Variants in PTPN20 observed in about 807,000 individuals in gnomAD.
The protein encoded by PTPN20 is tyrosine-protein phosphatase non-receptor type 20.
In PTPN20, 9 loss-of-function variants were observed where a neutral mutation model predicts 35.0. The observed-to-expected ratio is 0.26, with a 90% CI of 0.15 to 0.45. The LOEUF (loss-of-function observed/expected upper bound fraction) is 0.45. Ranked by LOEUF, PTPN20 falls within the 20% of genes least tolerant of loss-of-function variation. The pLI is 1.00. For synonymous variants in PTPN20, 32 were observed against 100.2 expected, an observed-to-expected ratio of 0.32 and a Z score of 4.06; for missense variants, 111 against 312.5, an observed-to-expected ratio of 0.36 and a Z score of 4.86.
At chr10:46,950,534 C>A (rs1214911764) in intron 5 of PTPN20, among the ~76,000 whole-genome samples, 27 of 151,544 alleles carry the variant, frequency 1.8e-4, no homozygotes, top group Non-Finnish European at 3.2e-4. Context: ...GCATCAGGGG[C>A]TAATGTTCTG....
chr10:46,944,578 T>TAAA (rs1555139153), intron 4 of PTPN20, among the ~76,000 whole-genome samples: 1 of 98,304 alleles, frequency 1.0e-5, no homozygotes, highest in Non-Finnish European at 1.9e-5. Context: ...CATATTTTCT[T>TAAA]AGAGATTTAT....
intron 7 of PTPN20, among the ~76,000 whole-genome samples, chr10:46,982,765 A>G (rs1226177960): frequency 6.6e-6 from 1 of 151,970 alleles, no homozygotes; most frequent in Non-Finnish European, 1.5e-5. Flanking sequence ...CATTGTGATG[A>G]ACACTTGCCA....
intron 5 of PTPN20, chr10:46,955,038 A>G (rs1171808609): frequency 6.6e-6 from 1 of 151,388 alleles, no homozygotes; most frequent in Non-Finnish European, 1.5e-5. Flanking sequence ...GATTTAAAGT[A>G]TTTGAGAGAG....
chr10:46,948,626 AG>A (rs1322198615), intron 5 of PTPN20, among the ~76,000 whole-genome samples: 74 of 151,390 alleles, frequency 4.9e-4, no homozygotes, highest in Admixed American at 1.1e-3. Flanking sequence ...TGGGGTGCTA[AG>A]GAGTTTTTAT....
intron 9 of PTPN20, among the ~76,000 whole-genome samples, chr10:46,994,945 T>C (rs915641738): frequency 6.6e-6 from 1 of 152,212 alleles, no homozygotes; most frequent in Non-Finnish European, 1.5e-5. Context: ...ATTTCTCAGC[T>C]CCAAGATTTC....
At chr10:46,979,049 G>T (rs2054520164) in intron 7 of PTPN20, among the ~76,000 whole-genome samples, 1 of 152,002 alleles carries the variant, frequency 6.6e-6, no homozygotes, top group South Asian at 2.1e-4. Flanking sequence ...TACACACAGA[G>T]AACACCTTGA....
At chr10:46,949,495 A>ACT (rs1424728656) in intron 5 of PTPN20, among the ~76,000 whole-genome samples, 2 of 152,062 alleles carry the variant, frequency 1.3e-5, no homozygotes, top group Non-Finnish European at 2.9e-5. Context: ...TAGATTGCAG[A>ACT]CTACTTGGTT....
intron 5 of PTPN20, among the ~76,000 whole-genome samples, chr10:46,953,398 T>TC (rs782012121): frequency 5.2e-4 from 74 of 142,474 alleles, no homozygotes; most frequent in African/African-American, 1.5e-3. Flanking sequence ...TTTCTTTCTT[T>TC]TTTTTTGACT....
At position 46,996,910 on chromosome 10, in the gene PTPN20, A is replaced by T. The variant is rs2059200443; in HGVS notation, c.1135-3002A>T. 2.6e-5 allele frequency among the ~76,000 whole-genome samples: 4 copies of T among 152,284 alleles called. No individual in the cohort carries two copies. The South Asian group carries it at 8.3e-4, about 32-fold the overall frequency. ...GTAAGCTTTAACATCAGATAGAATG[A>T]TTCCTCCCACGTTATTCTCCTTTTT... On this transcript the variant is annotated intron_variant, in intron 9 of 10. Coordinates refer to ENST00000374339, the MANE Select transcript of PTPN20 (RefSeq NM_001042357.5).
intron 9 of PTPN20, among the ~76,000 whole-genome samples, chr10:46,992,408 C>T (rs1555177532): frequency 6.6e-6 from 1 of 152,138 alleles, no homozygotes; most frequent in Admixed American, 6.5e-5. Flanking sequence ...TAGGCATGAG[C>T]CACCACCCCT....
At chr10:46,998,038 G>A (rs1004414145) in intron 9 of PTPN20, among the ~76,000 whole-genome samples, 1,866 of 152,150 alleles carry the variant, frequency 0.012, 46 homozygotes, top group African/African-American at 0.042. Context: ...CAGCCACTAC[G>A]GAAAACAATT....
chr10:46,997,617 TAA>T (rs782678312), intron 9 of PTPN20, among the ~76,000 whole-genome samples: 1 of 115,042 alleles, frequency 8.7e-6, no homozygotes. Context: ...ATGAAGAGGA[TAA>T]AAAAAAAAAA....
rs1589284576 is a variant in PTPN20 at position 46,932,478 on chromosome 10, T to C, written c.-22T>C. On this transcript the variant is annotated 5_prime_UTR_variant, in exon 2 of 11. Transcript: ENST00000374339. ...TTTCTGAAGAAGCCTTTTACCAGTC[T>C]CATTTAGGGGATGGGAACAACATGT... 3 of 1,611,918 alleles carry C rather than the reference T, an allele frequency of 1.9e-6. No homozygotes were observed. The highest frequency in any genetic ancestry group is 4.5e-5 in the East Asian group (2 of 44,842).
rs1341999684 is a variant in PTPN20 at position 46,953,395 on chromosome 10, C to CTTTCTTTG, written c.340+6723_340+6724insCTTTGTTT. Reference sequence around the variant, plus strand: ...TCTTTCTTTCTTTCTTTCTTTCTTTCTTTTTTTTTGACTTACTAACTTATT... The same window carrying CTTTCTTTG: ...TCTTTCTTTCTTTCTTTCTTTCTTTCTTTCTTTGTTTTTTTTTGACTTACTAACTTATT... On this transcript the variant is annotated intron_variant, in intron 5 of 10. Coordinates refer to ENST00000374339, the MANE Select transcript of PTPN20 (RefSeq NM_001042357.5). 1.4e-4 allele frequency among the ~76,000 whole-genome samples: 14 copies of CTTTCTTTG among 100,178 alleles called. 2 individuals carry two copies. Among genetic ancestry groups the CTTTCTTTG allele is most frequent in the African/African-American group, 6.4e-4 (14 of 21,888 alleles). The allele number at this position is 100,178 out of a possible 152,430, so 65.7% of individuals were successfully genotyped here.
chr10:46,932,093 T>TGTGTGTGTGTG (rs2039837975), intron 1 of PTPN20, among the ~76,000 whole-genome samples: 1 of 148,112 alleles, frequency 6.8e-6, no homozygotes, highest in African/African-American at 2.6e-5. Context: ...TGTGTGTGTG[T>TGTGTGTGTGTG]TTATATAAAG....
intron 7 of PTPN20, among the ~76,000 whole-genome samples, chr10:46,984,027 A>G (rs2056324247): frequency 6.6e-6 from 1 of 152,092 alleles, no homozygotes; most frequent in Non-Finnish European, 1.5e-5. Context: ...CCATAATTGT[A>G]TATTTCTTAG....
chr10:46,949,535 CA>C (rs2046056506), intron 5 of PTPN20, among the ~76,000 whole-genome samples: 1 of 151,570 alleles, frequency 6.6e-6, no homozygotes, highest in Non-Finnish European at 1.5e-5. Flanking sequence ...CTAATGGGTT[CA>C]ATAAAATTTT....
At chr10:46,938,098 G>A (rs1227488680) in intron 2 of PTPN20, among the ~76,000 whole-genome samples, 8 of 151,788 alleles carry the variant, frequency 5.3e-5, no homozygotes, top group African/African-American at 1.7e-4. Flanking sequence ...TTGCAGGTGC[G>A]CACCACCATG....
In PTPN20 at chr10:46,919,329, C is replaced by T. The variant is rs550627328; in HGVS notation, c.-124+7828C>T. Among the ~76,000 whole-genome samples the T allele has an allele frequency of 7.3e-5, 11 of 150,464 alleles. 1 individual carries two copies. Among genetic ancestry groups the T allele is most frequent in the South Asian group, 4.2e-4 (2 of 4,794 alleles). On this transcript the variant is annotated intron_variant, in intron 1 of 10. Transcript: ENST00000374339. The stretch of plus-strand genomic sequence containing the variant: ...TTAATCTATCATCTTGCCAGGTTTG[C>T]GCTTGCCTTACCTGTTCTTTAATCT...
Sources: gnomAD v4.1 joint callset for allele counts (sites outside exome capture counted in the v4.1 genomes callset) on GRCh38, gnomAD v4.1.1 for gene constraint, MANE v1.5 for transcripts, NCBI Gene and HGNC (gene_info 2026-07-23, HGNC 2026-07-21) for gene names.